The following CADM2 variants were observed in gnomAD, a reference collection of about 807,000 sequenced individuals.
CADM2 encodes the protein immunoglobulin superfamily member 4D.
CADM2 carries 12 observed loss-of-function variants against 49.8 expected under a neutral mutation model. The observed-to-expected ratio is 0.24, with a 90% CI of 0.15 to 0.39. The LOEUF (loss-of-function observed/expected upper bound fraction) is 0.39, where lower values mean the gene tolerates loss of function less well. CADM2 is among the 10% of genes least tolerant of loss of function. The pLI is 1.00. For missense variants in CADM2, 378 were observed against 492.3 expected, an observed-to-expected ratio of 0.77 and a Z score of 2.20; for synonymous variants, 214 against 175.4, an observed-to-expected ratio of 1.22 and a Z score of -1.74.
intron 1 of CADM2, among the ~76,000 whole-genome samples, chr3:85,541,791 A>G (rs1482003947): frequency 7.1e-6 from 1 of 140,434 alleles, no homozygotes; most frequent in East Asian, 2.0e-4. Context: ...ATATATATAT[A>G]TATGTATAGT....
At chr3:85,230,630 A>T (rs949684199) in intron 1 of CADM2, among the ~76,000 whole-genome samples, 1 of 152,202 alleles carries the variant, frequency 6.6e-6, no homozygotes, top group African/African-American at 2.4e-5. Flanking sequence ...ATGCTTCAGG[A>T]GACCCTTTCT....
At chr3:85,477,886 G>A (rs548861935) in intron 1 of CADM2, among the ~76,000 whole-genome samples, 1 of 151,858 alleles carries the variant, frequency 6.6e-6, no homozygotes, top group South Asian at 2.1e-4. Flanking sequence ...GAGGTTTTCA[G>A]TAAAGCACTA....
intron 7 of CADM2, among the ~76,000 whole-genome samples, chr3:85,951,536 T>C (rs541826597): frequency 1.3e-5 from 2 of 151,126 alleles, no homozygotes; most frequent in Non-Finnish European, 3.0e-5. Flanking sequence ...TTCAAACATG[T>C]CTATTTTCAA....
intron 5 of CADM2, among the ~76,000 whole-genome samples, chr3:85,895,947 T>A (rs1715159363): frequency 6.6e-6 from 1 of 151,918 alleles, no homozygotes; most frequent in East Asian, 1.9e-4. Flanking sequence ...GCCTTGGGGG[T>A]GTCTTTATTA....
At chr3:85,397,129 C>G (rs557551930) in intron 1 of CADM2, among the ~76,000 whole-genome samples, 1 of 151,954 alleles carries the variant, frequency 6.6e-6, no homozygotes, top group Non-Finnish European at 1.5e-5. Flanking sequence ...AGAAGATAAA[C>G]AAGTGGCCAG....
chr3:85,094,383 A>G (rs1474341035), intron 1 of CADM2, among the ~76,000 whole-genome samples: 1 of 152,112 alleles, frequency 6.6e-6, no homozygotes, highest in African/African-American at 2.4e-5. Context: ...CTGCTGACCA[A>G]CCATTTTATA....
At chr3:85,066,232 A>G (rs2036525784) in intron 1 of CADM2, among the ~76,000 whole-genome samples, 3 of 151,956 alleles carry the variant, frequency 2.0e-5, no homozygotes, top group African/African-American at 7.2e-5. Context: ...GGAGAAGTAG[A>G]GTTATCAGGA....
chr3:85,993,255 T>A (rs1729001911), intron 8 of CADM2: 1 of 152,202 alleles, frequency 6.6e-6, no homozygotes, highest in Non-Finnish European at 1.5e-5. Flanking sequence ...AGATTTCAGC[T>A]TAAGAAATCA....
intron 1 of CADM2, among the ~76,000 whole-genome samples, chr3:85,106,084 T>G (rs1211894573): frequency 6.6e-6 from 1 of 151,994 alleles, no homozygotes; most frequent in Non-Finnish European, 1.5e-5. Flanking sequence ...CCCTAAAACT[T>G]AAAGTACAAT....
At chr3:85,965,967 G>A (rs1164393696) in intron 8 of CADM2, among the ~76,000 whole-genome samples, 1 of 151,704 alleles carries the variant, frequency 6.6e-6, no homozygotes, top group East Asian at 1.9e-4. Flanking sequence ...TCTACGGAAA[G>A]TGAGAAACGC....
rs2065274850 is a variant in CADM2, at chr3:85,658,409, T to G, written c.62-68113T>G. On this transcript the variant is annotated intron_variant, in intron 1 of 9. Transcript: ENST00000383699. ...CTAGGACTTCTAATCTCTAGAACTC[T>G]AAGGCAATACATTTGCTTTTTTAAG... 1.3e-5 allele frequency among the ~76,000 whole-genome samples: 2 copies of G among 151,726 alleles called. 1 individual carries two copies. Among genetic ancestry groups the G allele is most frequent in the Non-Finnish European group, 2.9e-5 (2 of 67,932 alleles).
chr3:85,706,290 C>G (rs1325198231), intron 1 of CADM2, among the ~76,000 whole-genome samples: 1 of 152,194 alleles, frequency 6.6e-6, no homozygotes, highest in African/African-American at 2.4e-5. Context: ...ATTAAAGCCT[C>G]TCTTTATTTC....
intron 2 of CADM2, among the ~76,000 whole-genome samples, chr3:85,745,208 A>C (rs1380701050): frequency 6.6e-6 from 1 of 152,182 alleles, no homozygotes; most frequent in Admixed American, 6.5e-5. Context: ...CCATAAAATA[A>C]TTGTTCATAA....
At chr3:85,909,463 CAA>C (rs1014474433) in intron 5 of CADM2, among the ~76,000 whole-genome samples, 5 of 148,770 alleles carry the variant, frequency 3.4e-5, no homozygotes, top group African/African-American at 7.4e-5. Flanking sequence ...TAAAAAATAA[CAA>C]GAGAGAGAAA....
chr3:85,949,511 A>G (rs1443769075), intron 7 of CADM2, among the ~76,000 whole-genome samples: 1 of 151,266 alleles, frequency 6.6e-6, no homozygotes, highest in African/African-American at 2.4e-5. Flanking sequence ...TCTTAGCTCT[A>G]GAAAACAAGG....
chr3:85,983,440 G>A (rs1372388610), intron 8 of CADM2, among the ~76,000 whole-genome samples: 1 of 151,584 alleles, frequency 6.6e-6, no homozygotes, highest in African/African-American at 2.4e-5. Flanking sequence ...GACCTTCGAC[G>A]GTGCACCAAA....
At chr3:86,053,119 C>T (rs1737531252) in intron 8 of CADM2, among the ~76,000 whole-genome samples, 2 of 152,086 alleles carry the variant, frequency 1.3e-5, no homozygotes, top group African/African-American at 2.4e-5. Context: ...TTGATAAAAC[C>T]TTCTTCCAAA....
chr3:85,943,107 G>C (rs376678071), intron 7 of CADM2, among the ~76,000 whole-genome samples: 1 of 151,720 alleles, frequency 6.6e-6, no homozygotes, highest in African/African-American at 2.4e-5. Flanking sequence ...ATTTTTTCAT[G>C]TGTTTTTTGG....
rs187251125 is a variant in CADM2, at chr3:85,374,275, T to C, written c.62-352247T>C. Among the ~76,000 whole-genome samples the C allele has an allele frequency of 5.3e-5, 8 of 152,314 alleles. No individual in the cohort carries two copies. The South Asian group carries it at 6.2e-4, about 12-fold the overall frequency. ...TGCCAGATACCCTAAATCATCTCTC[T>C]CAAATTCCAAGTTCCACAGGTCTCT... On this transcript the variant is annotated intron_variant, in intron 1 of 9. Transcript: ENST00000383699.
Sources: allele counts gnomAD v4.1 joint callset (sites outside exome capture counted in the v4.1 genomes callset), GRCh38; gene constraint gnomAD v4.1.1; transcripts MANE v1.5; gene names NCBI Gene and HGNC (gene_info 2026-07-23, HGNC 2026-07-21).